MDH1B: variants seen among roughly 807,000 people sequenced by gnomAD.
MDH1B encodes putative malate dehydrogenase 1B.
A neutral mutation model predicts 61.4 loss-of-function variants in MDH1B; 60 were observed. The observed-to-expected ratio is 0.98, with a 90% CI of 0.79 to 1.21. The LOEUF (loss-of-function observed/expected upper bound fraction) is 1.21, where lower values mean the gene tolerates loss of function less well. Among genes scored for constraint, MDH1B ranks in the 50% most tolerant of loss-of-function variants. The pLI, the probability that MDH1B is intolerant of heterozygous loss-of-function variation, is 0.00. For missense variants in MDH1B, 587 were observed against 632.1 expected (o/e 0.93, Z 0.76); for synonymous variants, 236 against 218.7 (o/e 1.08, Z -0.70).
Position 206,748,752 on chromosome 2 carries a change from T to C in MDH1B, c.1216+268A>G, listed in dbSNP as rs116233256. ...GAAAACCTAACAACATGATTTTGTT[T>C]ATGTATCTGGCTCTTGTTTATTCCA... is the stretch of plus-strand genomic sequence containing the variant. On this transcript the variant is annotated intron_variant, in intron 7 of 11. Coordinates refer to ENST00000374412, the MANE Select transcript of MDH1B (RefSeq NM_001039845.3). 3.2e-3 allele frequency among the ~76,000 whole-genome samples: 486 copies of C among 152,362 alleles called. 4 individuals are homozygous for C. The highest frequency in any genetic ancestry group is 0.011 in the African/African-American group (445 of 41,592).
intron 9 of MDH1B, among the ~76,000 whole-genome samples, chr2:206,742,553 G>A (rs1476628282): frequency 6.6e-6 from 1 of 152,012 alleles, no homozygotes; most frequent in Admixed American, 6.6e-5. Flanking sequence ...GCAGTTGCCA[G>A]GGAAAATGTT....
At chr2:206,752,257 T>C (rs887490554) in intron 5 of MDH1B, among the ~76,000 whole-genome samples, 9 of 152,184 alleles carry the variant, frequency 5.9e-5, no homozygotes, top group African/African-American at 2.2e-4. Context: ...AAAAGTGAAA[T>C]ATTCTTCCCA....
rs753091427 is a variant in MDH1B, at chr2:206,760,950, A to C, written c.86T>G (p.Leu29Arg). Reference sequence around the variant, plus strand: ...GATTTTATGTATCCGAAAATCAGGAAGATTCTTTTGTAAATAGTCTGCCAC... The same window carrying C: ...GATTTTATGTATCCGAAAATCAGGACGATTCTTTTGTAAATAGTCTGCCAC... The part of the protein sequence containing the change: ...ELVADYLQKN[L>R]PDFRIHKITQ... Residue 29 changes from leucine to arginine, a missense_variant, in exon 2 of 12, where the codon CTT becomes CGT. Leu to Arg is a moderately radical substitution (Grantham distance 102). Transcript: ENST00000374412. The C allele has an allele frequency of 1.9e-6, 3 of 1,613,106 alleles. No individual in the cohort carries two copies. In the African/African-American group the frequency reaches 4.0e-5, roughly 22 times the overall value.
chr2:206,760,802 T>C lies in MDH1B; in HGVS notation c.135+99A>G, dbSNP rs577721397. 69 of 662,106 alleles carry C rather than the reference T, an allele frequency of 1.0e-4. 1 individual carries two copies. In the South Asian group the frequency reaches 1.4e-3, roughly 14 times the overall value. The allele number at this position is 662,106 out of a possible 1,614,324, so 41.0% of individuals were successfully genotyped here. On this transcript the variant is annotated intron_variant, in intron 2 of 11. Transcript: ENST00000374412. ...TCAAATATCACTAGCACATGAACAG[T>C]CATTCCTAGAAGCCAGTCTAATACA...
At chr2:206,763,716 A>G (rs560897127) in intron 1 of MDH1B, among the ~76,000 whole-genome samples, 13 of 152,270 alleles carry the variant, frequency 8.5e-5, no homozygotes, top group African/African-American at 3.1e-4. Flanking sequence ...TCAATTTTAT[A>G]CTTATTTTAT....
intron 10 of MDH1B, among the ~76,000 whole-genome samples, 181 bp downstream of exon 10, chr2:206,740,873 C>T (rs1687767766): frequency 6.6e-6 from 1 of 152,034 alleles, no homozygotes; most frequent in Admixed American, 6.6e-5. Flanking sequence ...AGTTTTAGTG[C>T]TTTTTAAAAA....
intron 6 of MDH1B, among the ~76,000 whole-genome samples, chr2:206,750,513 T>G (rs983122331): frequency 6.6e-6 from 1 of 151,810 alleles, no homozygotes; most frequent in Admixed American, 6.6e-5. Context: ...CCTAGGACTG[T>G]GTTCCTCACC....
intron 9 of MDH1B, among the ~76,000 whole-genome samples, chr2:206,745,172 T>G (rs898911445): frequency 1.3e-5 from 2 of 151,562 alleles, no homozygotes; most frequent in African/African-American, 2.4e-5. Flanking sequence ...CAGGTTGGAG[T>G]GATGCAGCAA....
intron 9 of MDH1B, among the ~76,000 whole-genome samples, chr2:206,743,374 T>C (rs965296165): frequency 6.6e-6 from 1 of 152,198 alleles, no homozygotes; most frequent in Non-Finnish European, 1.5e-5. Context: ...CATCATCAGA[T>C]TCCAGGGACT....
rs749402205 is a variant in MDH1B at position 206,765,174 on chromosome 2, C to G, written c.22+76G>C. On this transcript the variant is annotated intron_variant, in intron 1 of 11. Transcript: ENST00000374412. ...ATGGAGCGGTCCGTATAGAGGCTGC[C>G]AAGCCGAGCGGCCATGGGAGGTGAG... 229 of 1,563,226 alleles carry G rather than the reference C, an allele frequency of 1.5e-4. 3 individuals carry two copies. The Middle Eastern group carries it at 3.9e-3, about 27-fold the overall frequency.
intron 6 of MDH1B, among the ~76,000 whole-genome samples, chr2:206,749,636 G>A (rs1688321023): frequency 6.6e-6 from 1 of 152,178 alleles, no homozygotes; most frequent in Non-Finnish European, 1.5e-5. Flanking sequence ...TATACACAAT[G>A]AAATATCATG....
intron 9 of MDH1B, 46 bp downstream of exon 9, chr2:206,745,576 A>G: frequency 1.5e-6 from 2 of 1,362,216 alleles, no homozygotes; most frequent in Non-Finnish European, 1.0e-6. Flanking sequence ...ATATTTTAAT[A>G]CTCTTTTAAT....
intron 1 of MDH1B, among the ~76,000 whole-genome samples, chr2:206,762,004 G>C (rs987801364): frequency 5.3e-5 from 8 of 152,070 alleles, no homozygotes; most frequent in African/African-American, 1.4e-4. Context: ...TCAATTACTT[G>C]CCTTTTCTGT....
chr2:206,765,040 C>G (rs891831302), intron 1 of MDH1B, among the ~76,000 whole-genome samples: 7 of 152,260 alleles, frequency 4.6e-5, no homozygotes, highest in Non-Finnish European at 8.8e-5. Context: ...AGACTGAAAG[C>G]TCCTCTAAGG....
intron 9 of MDH1B, among the ~76,000 whole-genome samples, chr2:206,745,205 C>T (rs1688037996): frequency 6.6e-6 from 1 of 152,088 alleles, no homozygotes; most frequent in Admixed American, 6.6e-5. Flanking sequence ...GCAAGCAGTG[C>T]AACCCAAAGC....
At position 206,753,190 on chromosome 2, in the gene MDH1B, C is replaced by A. The variant is rs536117045; in HGVS notation, c.910+1819G>T. 7.8e-4 allele frequency among the ~76,000 whole-genome samples: 118 copies of A among 152,194 alleles called. 1 individual carries two copies. In the South Asian group the frequency reaches 0.016, roughly 21 times the overall value. Reference sequence around the variant, plus strand: ...CAGAGAGAGCACAGGTATGTCCTGGCACCACCGTTTGAGCCCCAGCATCCA... The same window carrying A: ...CAGAGAGAGCACAGGTATGTCCTGGAACCACCGTTTGAGCCCCAGCATCCA... On this transcript the variant is annotated intron_variant, in intron 5 of 11. Transcript: ENST00000374412.
At chr2:206,751,111 A>G in intron 5 of MDH1B, 36 bp from the exon 6 acceptor site, 1 of 1,405,740 alleles carries the variant, frequency 7.1e-7, no homozygotes, top group Non-Finnish European at 9.6e-7. Context: ...AATAATAATA[A>G]TGTATGTTAA....
At chr2:206,764,399 G>T (rs1689302170) in intron 1 of MDH1B, among the ~76,000 whole-genome samples, 1 of 152,168 alleles carries the variant, frequency 6.6e-6, no homozygotes, top group South Asian at 2.1e-4. Flanking sequence ...ATAAAAGTCA[G>T]TGGTGACTTT....
Position 206,742,711 on chromosome 2 carries a change from A to ATT in MDH1B, c.1409-1609_1409-1608dup, listed in dbSNP as rs59584383. 5.4e-3 allele frequency among the ~76,000 whole-genome samples: 527 copies of ATT among 97,082 alleles called. 1 individual carries two copies. Among genetic ancestry groups the ATT allele is most frequent in the Non-Finnish European group, 8.7e-3 (436 of 50,294 alleles). The allele number at this position is 97,082 out of a possible 152,430, so 63.7% of individuals were successfully genotyped here. A position where few individuals can be genotyped will look rare whatever the true frequency, so the allele number is the denominator to read the frequency against. On this transcript the variant is annotated intron_variant, in intron 9 of 11. Coordinates refer to ENST00000374412, the MANE Select transcript of MDH1B (RefSeq NM_001039845.3). ...TCAAAAAGAGCTGCTTGATGTCTCT[A>ATT]TTTTTTTTTTTTTTTTTTTTTTTGA... is the stretch of plus-strand genomic sequence containing the variant.
Sources: gnomAD v4.1 joint callset for allele counts (sites outside exome capture counted in the v4.1 genomes callset) on GRCh38, gnomAD v4.1.1 for gene constraint, MANE v1.5 for transcripts, NCBI Gene and HGNC (gene_info 2026-07-23, HGNC 2026-07-21) for gene names.